Variants in CRB1 observed in about 807,000 individuals in gnomAD.
CRB1 encodes the protein protein crumbs homolog 1.
A neutral mutation model predicts 120.0 loss-of-function variants in CRB1; 83 were observed. That is an observed-to-expected ratio of 0.69 (90% CI 0.58 to 0.83). The LOEUF is 0.83. Ranked by LOEUF, CRB1 falls within the 40% of genes least tolerant of loss-of-function variation. CRB1 has a pLI of 0.00. For missense variants in CRB1, 1,699 were observed against 1,687.6 expected, an observed-to-expected ratio of 1.01 and a Z score of -0.12; for synonymous variants, 625 against 612.5, an observed-to-expected ratio of 1.02 and a Z score of -0.30.
At chr1:197,472,752 G>A (rs572940101) in intron 11 of CRB1, among the ~76,000 whole-genome samples, 7 of 152,176 alleles carry the variant, frequency 4.6e-5, no homozygotes, top group Non-Finnish European at 8.8e-5. Context: ...TTCCACCAGC[G>A]CCACATCAGC....
Position 197,438,657 on chromosome 1 carries a change from C to T in CRB1, c.3860C>T (p.Pro1287Leu), listed in dbSNP as rs751428735. The T allele has an allele frequency of 4.3e-6, 7 of 1,612,116 alleles. No homozygotes were observed. The South Asian group carries it at 7.7e-5, about 18-fold the overall frequency. The change falls in exon 10 of 12, where the codon CCA (proline) becomes CTA (leucine). Residue 1287 changes from proline (P) to leucine (L), a missense_variant. By Grantham distance (98) the Pro-to-Leu change is moderately conservative (BLOSUM62 -3). Transcript: ENST00000367400. ...FQTELKCMCR[P>L]GFTGEWCEKD... ...ACTGAATTAAAATGTATGTGCCGGC[C>T]AGGTTTTACTGGAGAATGGTGAGTC...
chr1:197,474,803 A>G (rs1028180873), intron 11 of CRB1, among the ~76,000 whole-genome samples: 8 of 152,206 alleles, frequency 5.3e-5, no homozygotes, highest in African/African-American at 1.2e-4. Flanking sequence ...GATTTACCAG[A>G]CAGATTAAGA....
intron 1 of CRB1, among the ~76,000 whole-genome samples, chr1:197,307,445 C>G (rs772227296): frequency 2.0e-5 from 3 of 152,002 alleles, no homozygotes; most frequent in Non-Finnish European, 4.4e-5. Flanking sequence ...TGGGATGATA[C>G]AAAGGAAATA....
intron 1 of CRB1, among the ~76,000 whole-genome samples, chr1:197,283,254 T>C (rs1010623750): frequency 6.6e-5 from 10 of 151,958 alleles, no homozygotes; most frequent in Admixed American, 3.3e-4. Context: ...TCTTTTTTTT[T>C]CCTATGTTTT....
Position 197,356,950 on chromosome 1 carries a change from CCTT to C in CRB1, c.1115_1117del (p.Ser372del), listed in dbSNP as rs1472088998. On this transcript the variant is annotated inframe_deletion, in exon 5 of 12. Coordinates refer to ENST00000367400, the MANE Select transcript of CRB1 (RefSeq NM_201253.3). The stretch of plus-strand genomic sequence containing the variant: ...ACAATATGGACGCATCACTGGACTG[CCTT>C]CTTCTTTCAGCTACCATGAAGCCTC... The C allele has an allele frequency of 1.9e-5, 30 of 1,614,080 alleles. No homozygotes were observed. Among genetic ancestry groups the C allele is most frequent in the East Asian group, 1.6e-4 (7 of 44,896 alleles).
At chr1:197,340,894 G>T (rs556383723) in intron 2 of CRB1, among the ~76,000 whole-genome samples, 12 of 152,260 alleles carry the variant, frequency 7.9e-5, no homozygotes, top group African/African-American at 2.9e-4. Context: ...TAGGAAAAAG[G>T]TTTAATTAAC....
At chr1:197,336,674 T>A (rs1293892258) in intron 2 of CRB1, among the ~76,000 whole-genome samples, 1 of 152,210 alleles carries the variant, frequency 6.6e-6, no homozygotes, top group Non-Finnish European at 1.5e-5. Flanking sequence ...ATATTTGCAA[T>A]GCACTGGGCA....
chr1:197,208,522 A>G, the CRB1 span, among the ~76,000 whole-genome samples: 18 of 152,146 alleles, frequency 1.2e-4, no homozygotes, highest in Admixed American at 7.2e-4. Context: ...TGGAGCTACC[A>G]GGCTCCAGAA....
chr1:197,226,553 A>C, the CRB1 span, among the ~76,000 whole-genome samples: 1 of 152,060 alleles, frequency 6.6e-6, no homozygotes, highest in African/African-American at 2.4e-5. Flanking sequence ...CCAGTGGGAT[A>C]ATATTAGGAG....
chr1:197,404,680 T>C (rs1216254519), intron 5 of CRB1, among the ~76,000 whole-genome samples: 1 of 152,322 alleles, frequency 6.6e-6, no homozygotes, highest in South Asian at 2.1e-4. Context: ...ATATTGACAG[T>C]AACTGTTAAA....
At chr1:197,247,749 G>C in the CRB1 span, among the ~76,000 whole-genome samples, 1 of 151,988 alleles carries the variant, frequency 6.6e-6, no homozygotes, top group African/African-American at 2.4e-5. Flanking sequence ...AGTTCCCCCA[G>C]AGAATAGCTA....
At position 197,374,142 on chromosome 1, in the gene CRB1, G is replaced by A. The variant is rs1222019856; in HGVS notation, c.1171+17129G>A. Among the ~76,000 whole-genome samples, 6 of 152,154 alleles carry A rather than the reference G, an allele frequency of 3.9e-5. No homozygotes were observed. In the East Asian group the frequency reaches 1.2e-3, roughly 29 times the overall value. ...TGCTGTAGTTCGTGGTAGTGGATATGTTTTCTGGTAAGAGGATGGATCCAG... is the reference window on the plus strand; with the variant it reads ...TGCTGTAGTTCGTGGTAGTGGATATATTTTCTGGTAAGAGGATGGATCCAG... On this transcript the variant is annotated intron_variant, in intron 5 of 11. Coordinates refer to ENST00000367400, the MANE Select transcript of CRB1 (RefSeq NM_201253.3).
At chr1:197,208,510 A>T in the CRB1 span, among the ~76,000 whole-genome samples, 25 of 152,288 alleles carry the variant, frequency 1.6e-4, no homozygotes, top group East Asian at 3.9e-4. Context: ...GTAGCCACCC[A>T]GTGGAGCTAC....
rs1306034669 is a variant in CRB1 at position 197,398,888 on chromosome 1, ATGAT to A, written c.1172-22109_1172-22106del. On this transcript the variant is annotated intron_variant, in intron 5 of 11. Coordinates refer to ENST00000367400, the MANE Select transcript of CRB1 (RefSeq NM_201253.3). ...GATTGCCAGGAGCTGGGGTCAGGAAATGATTGTGTGTGTGTGTGTGTGTGTGTGT... is the reference window on the plus strand; with the variant it reads ...GATTGCCAGGAGCTGGGGTCAGGAAATGTGTGTGTGTGTGTGTGTGTGTGT... Among the ~76,000 whole-genome samples the A allele has an allele frequency of 3.1e-3, 363 of 117,154 alleles. 4 individuals are homozygous for A. Among genetic ancestry groups the A allele is most frequent in the African/African-American group, 0.011 (351 of 31,440 alleles). The allele number at this position is 117,154 out of a possible 152,430, so 76.9% of individuals were successfully genotyped here. A position where few individuals can be genotyped will look rare whatever the true frequency, so the allele number is the denominator to read the frequency against.
At chr1:197,240,258 G>A in the CRB1 span, among the ~76,000 whole-genome samples, 2 of 151,986 alleles carry the variant, frequency 1.3e-5, no homozygotes, top group Admixed American at 1.3e-4. Context: ...TGGGATACAT[G>A]TGCAGAACGT....
intron 5 of CRB1, among the ~76,000 whole-genome samples, chr1:197,413,520 C>A (rs966473943): frequency 6.6e-6 from 1 of 152,198 alleles, no homozygotes; most frequent in African/African-American, 2.4e-5. Flanking sequence ...ACAAAAACAG[C>A]ATTTCCTTTG....
chr1:197,327,132 A>AAAAAAAC (rs1558055752), intron 1 of CRB1, among the ~76,000 whole-genome samples: 2 of 148,670 alleles, frequency 1.3e-5, no homozygotes, highest in African/African-American at 2.5e-5. Flanking sequence ...AAAAAAAAAA[A>AAAAAAAC]CAGAAACCAA....
At chr1:197,222,586 A>C in the CRB1 span, 3 of 769,604 alleles carry the variant, frequency 3.9e-6, no homozygotes, top group Non-Finnish European at 7.3e-6. Context: ...GTTGTTTTGC[A>C]GTTGGCTCCT....
chr1:197,444,772 A>G (rs1214520390), intron 11 of CRB1: 1 of 152,096 alleles, frequency 6.6e-6, no homozygotes, highest in Non-Finnish European at 1.5e-5. Context: ...CATGTGTGTG[A>G]CTATGGCTTT....
Sources: gnomAD v4.1 joint callset for allele counts (sites outside exome capture counted in the v4.1 genomes callset) on GRCh38, gnomAD v4.1.1 for gene constraint, MANE v1.5 for transcripts, NCBI Gene and HGNC (gene_info 2026-07-23, HGNC 2026-07-21) for gene names.